PEAK1: variants seen among roughly 807,000 people sequenced by gnomAD.
PEAK1 encodes the protein pseudopodium enriched atypical kinase 1, also known as inactive tyrosine-protein kinase PEAK1.
A neutral mutation model predicts 124.7 loss-of-function variants in PEAK1; 54 were observed. The observed-to-expected ratio is 0.43, with a 90% confidence interval of 0.35 to 0.54. PEAK1 has a LOEUF of 0.54. Ranked by LOEUF, PEAK1 falls within the 20% of genes least tolerant of loss-of-function variation. PEAK1 has a pLI of 0.01. For synonymous variants in PEAK1, 719 were observed against 760.0 expected, an observed-to-expected ratio of 0.95 and a Z score of 0.89; for missense variants, 2,046 against 2,134.5, an observed-to-expected ratio of 0.96 and a Z score of 0.82.
At chr15:77,278,082 A>C (rs2062431402) in intron 5 of PEAK1, among the ~76,000 whole-genome samples, 1 of 152,172 alleles carries the variant, frequency 6.6e-6, no homozygotes, top group African/African-American at 2.4e-5. Flanking sequence ...TGTTGATAAT[A>C]GGGAATGCTA....
At chr15:77,418,199 T>C (rs1385081188) in intron 1 of PEAK1, 44 of 985,294 alleles carry the variant, frequency 4.5e-5, no homozygotes, top group Non-Finnish European at 5.1e-5. Context: ...AGTGATCTTA[T>C]CTTTTTCTTT....
chr15:77,301,028 T>G (rs1239487957), intron 2 of PEAK1, among the ~76,000 whole-genome samples: 2 of 151,998 alleles, frequency 1.3e-5, no homozygotes, highest in Non-Finnish European at 2.9e-5. Flanking sequence ...ATTTTTGTAT[T>G]TTTTAGTAGA....
At chr15:77,341,187 C>T (rs2066507250) in intron 2 of PEAK1, among the ~76,000 whole-genome samples, 2 of 152,068 alleles carry the variant, frequency 1.3e-5, no homozygotes, top group Admixed American at 1.3e-4. Flanking sequence ...CCTCCCAGTA[C>T]ACCAATGTCT....
rs1596763188 is a variant in PEAK1, at chr15:77,233,658, T to C, written c.-115+18709A>G. 2.6e-5 allele frequency among the ~76,000 whole-genome samples: 4 copies of C among 152,342 alleles called. No homozygotes were observed. In the South Asian group the frequency reaches 8.3e-4, roughly 32 times the overall value. ...TTATATTCTTATTACTCCCAAATTT[T>C]ATTTCCAGTCCATTTCTCTATTTTG... On this transcript the variant is annotated intron_variant, in intron 6 of 9. Transcript: ENST00000682557.
At chr15:77,214,480 C>A (rs1218503478) in intron 6 of PEAK1, among the ~76,000 whole-genome samples, 5 of 151,202 alleles carry the variant, frequency 3.3e-5, no homozygotes, top group African/African-American at 9.7e-5. Flanking sequence ...AAAAATTAGC[C>A]GGGCATGGTG....
intron 1 of PEAK1, among the ~76,000 whole-genome samples, chr15:77,410,702 C>T (rs967197706): frequency 6.6e-6 from 1 of 152,190 alleles, no homozygotes; most frequent in Admixed American, 6.5e-5. Flanking sequence ...AATGCATTGG[C>T]TCTTTCCACT....
intron 7 of PEAK1, among the ~76,000 whole-genome samples, chr15:77,173,792 CT>C (rs1332438508): frequency 2.0e-5 from 3 of 152,212 alleles, no homozygotes; most frequent in African/African-American, 4.8e-5. Flanking sequence ...CCTACAATGT[CT>C]TTCCCAGCCA....
At chr15:77,334,192 T>A in intron 2 of PEAK1, 1 of 980,510 alleles carries the variant, frequency 1.0e-6, no homozygotes, top group Non-Finnish European at 1.2e-6. Flanking sequence ...GAGAAAGTAC[T>A]GACTTCAGTA....
At chr15:77,224,019 TTA>T (rs2059516536) in intron 6 of PEAK1, among the ~76,000 whole-genome samples, 1 of 151,948 alleles carries the variant, frequency 6.6e-6, no homozygotes, top group South Asian at 2.1e-4. Context: ...GAATCCTCTT[TTA>T]AACAAATTTT....
chr15:77,364,112 C>T (rs1417573384), intron 2 of PEAK1, among the ~76,000 whole-genome samples: 1 of 152,038 alleles, frequency 6.6e-6, no homozygotes, highest in Non-Finnish European at 1.5e-5. Context: ...GGTAGGAGAA[C>T]TGCTTGAACT....
chr15:77,114,300 T>C lies in PEAK1; in HGVS notation c.5097A>G (p.Arg1699=). ...CAGCAAACTTGATCATGAGCAGTGT[T>C]CGCTTGATGTCTAGCCAGTTTTGGA... is the stretch of plus-strand genomic sequence containing the variant. ...TLLQNWLDIK[R]TLLMIKFAEK... is the part of the protein sequence containing the mutation. Residue 1699 remains arginine (R), a synonymous_variant, in exon 10 of 10, where the codon CGA becomes CGG. Coordinates refer to ENST00000682557, the MANE Select transcript of PEAK1 (RefSeq NM_001385026.1). The C allele has an allele frequency of 6.2e-7, 1 of 1,614,242 alleles. No homozygotes were observed. Among genetic ancestry groups the C allele is most frequent in the Non-Finnish European group, 8.5e-7 (1 of 1,180,046 alleles).
At chr15:77,345,504 C>A (rs140836040) in intron 2 of PEAK1, among the ~76,000 whole-genome samples, 2 of 152,078 alleles carry the variant, frequency 1.3e-5, no homozygotes, top group East Asian at 3.8e-4. Context: ...GAGTAGAAGG[C>A]GGCTTTTAAA....
intron 6 of PEAK1, among the ~76,000 whole-genome samples, chr15:77,251,504 CAAGT>C (rs1236907846): frequency 3.3e-5 from 5 of 151,998 alleles, no homozygotes; most frequent in African/African-American, 1.2e-4. Flanking sequence ...AACTAGATGT[CAAGT>C]AAGGAAAATA....
At chr15:77,401,067 G>A (rs1026259862) in intron 1 of PEAK1, among the ~76,000 whole-genome samples, 2 of 151,924 alleles carry the variant, frequency 1.3e-5, no homozygotes, top group Non-Finnish European at 2.9e-5. Context: ...ACAATAAATG[G>A]CATAAATTTA....
chr15:77,333,805 A>G (rs1323435637), intron 2 of PEAK1: 37 of 821,244 alleles, frequency 4.5e-5, no homozygotes, highest in Non-Finnish European at 5.3e-5. Context: ...ATCATTGCAG[A>G]TTTATAAAAA....
chr15:77,335,015 G>A (rs2066112198), intron 2 of PEAK1: 3 of 985,430 alleles, frequency 3.0e-6, no homozygotes, highest in Non-Finnish European at 3.6e-6. Flanking sequence ...AGGAGGGTTG[G>A]TAGCTGGGAA....
At chr15:77,139,435 A>G (rs897857515) in intron 8 of PEAK1, among the ~76,000 whole-genome samples, 4 of 152,226 alleles carry the variant, frequency 2.6e-5, no homozygotes, top group Non-Finnish European at 4.4e-5. Flanking sequence ...TGTATGTGCT[A>G]TACTTTTATG....
At position 77,179,263 on chromosome 15, in the gene PEAK1, C is replaced by T. The variant is rs763328810; in HGVS notation, c.2664G>A (p.Arg888=). The change falls in exon 7 of 10, where the codon AGG becomes AGA. Residue 888 remains arginine, a synonymous_variant. Transcript: ENST00000682557. ...TTGGCTTGGTCCAGTTGGTGAAATG[C>T]CTCTGCAAAAGGTTACCTGCATGGT... ...SPYHAGNLLQ[R]HFTNWTKPTS... 87 of 1,613,950 alleles carry T rather than the reference C, an allele frequency of 5.4e-5. No homozygotes were observed. Among genetic ancestry groups the T allele is most frequent in the Non-Finnish European group, 7.3e-5 (86 of 1,180,016 alleles).
intron 2 of PEAK1, chr15:77,335,493 T>C (rs2066143877): frequency 1.0e-6 from 1 of 985,202 alleles, no homozygotes; most frequent in Non-Finnish European, 1.2e-6. Flanking sequence ...TACTACTTTG[T>C]TTCAAGAGAC....
Sources: gnomAD v4.1 joint callset for allele counts (sites outside exome capture counted in the v4.1 genomes callset) on GRCh38, gnomAD v4.1.1 for gene constraint, MANE v1.5 for transcripts, NCBI Gene and HGNC (gene_info 2026-07-23, HGNC 2026-07-21) for gene names.